FAM107B: variants seen among roughly 807,000 people sequenced by gnomAD.
FAM107B encodes protein FAM107B.
FAM107B carries 21 observed loss-of-function variants against 31.5 expected under a neutral mutation model. The observed-to-expected ratio is 0.67, with a 90% CI of 0.47 to 0.96. FAM107B has a LOEUF of 0.96. Ranked by LOEUF, FAM107B falls within the 40% of genes least tolerant of loss-of-function variation. The pLI, the probability that FAM107B is intolerant of heterozygous loss-of-function variation, is 0.00. For synonymous variants in FAM107B, 157 were observed against 141.5 expected (o/e 1.11, Z -0.78); for missense variants, 452 against 377.1 (o/e 1.20, Z -1.64).
chr10:14,539,030 G>A (rs898489795), intron 2 of FAM107B, among the ~76,000 whole-genome samples: 1 of 152,186 alleles, frequency 6.6e-6, no homozygotes, highest in Admixed American at 6.5e-5. Flanking sequence ...ACTTGCCCAC[G>A]TGGCAGATGC....
chr10:14,566,936 G>A (rs903598814), intron 2 of FAM107B, among the ~76,000 whole-genome samples: 1 of 152,318 alleles, frequency 6.6e-6, no homozygotes, highest in South Asian at 2.1e-4. Flanking sequence ...CAAAACACAA[G>A]GTCAGGAGAT....
intron 2 of FAM107B, among the ~76,000 whole-genome samples, chr10:14,603,125 T>C (rs1046235609): frequency 2.0e-5 from 3 of 152,068 alleles, no homozygotes; most frequent in Non-Finnish European, 2.9e-5. Context: ...TTTTTTTCTA[T>C]ATATTTTCAA....
At chr10:14,649,154 T>C (rs1853837658) in intron 2 of FAM107B, among the ~76,000 whole-genome samples, 1 of 152,238 alleles carries the variant, frequency 6.6e-6, no homozygotes, top group Non-Finnish European at 1.5e-5. Context: ...CCCTTTGGAA[T>C]TCAGGCACTG....
intron 1 of FAM107B, among the ~76,000 whole-genome samples, chr10:14,740,670 T>C (rs1856416064): frequency 1.3e-5 from 2 of 152,186 alleles, no homozygotes; most frequent in Admixed American, 6.5e-5. Flanking sequence ...ATGCAAGATG[T>C]TAAAAATAGG....
chr10:14,634,581 T>C (rs1228628833), intron 2 of FAM107B, among the ~76,000 whole-genome samples: 3 of 151,454 alleles, frequency 2.0e-5, no homozygotes, highest in Non-Finnish European at 4.4e-5. Context: ...AGAAAACAGC[T>C]GCCAGCTTAA....
chr10:14,680,408 T>C (rs1854803466), intron 1 of FAM107B, among the ~76,000 whole-genome samples: 1 of 151,872 alleles, frequency 6.6e-6, no homozygotes, highest in Admixed American at 6.6e-5. Context: ...ACCTCATCTC[T>C]ACTAAAAATA....
chr10:14,743,806 C>T (rs2131576067), intron 1 of FAM107B, among the ~76,000 whole-genome samples: 1 of 152,236 alleles, frequency 6.6e-6, no homozygotes, highest in East Asian at 1.9e-4. Context: ...CAGCTTTGTT[C>T]TTTTCACTTA....
chr10:14,765,465 G>A (rs1833143654), intron 1 of FAM107B, among the ~76,000 whole-genome samples: 1 of 152,120 alleles, frequency 6.6e-6, no homozygotes, highest in African/African-American at 2.4e-5. Context: ...TATCCAGATT[G>A]GAAAATTCTT....
At chr10:14,619,367 T>C (rs1244422676) in intron 2 of FAM107B, among the ~76,000 whole-genome samples, 1 of 152,208 alleles carries the variant, frequency 6.6e-6, no homozygotes, top group Admixed American at 6.5e-5. Flanking sequence ...ACACTAGCAG[T>C]GTTTTTCATT....
chr10:14,718,533 CAGAG>C (rs546456987), intron 1 of FAM107B, among the ~76,000 whole-genome samples: 3 of 146,996 alleles, frequency 2.0e-5, no homozygotes, highest in Non-Finnish European at 3.0e-5. Context: ...GAAGGAAGGA[CAGAG>C]AGAGAGAGAG....
chr10:14,606,454 C>T (rs2131385497), intron 2 of FAM107B, among the ~76,000 whole-genome samples: 1 of 152,254 alleles, frequency 6.6e-6, no homozygotes, highest in South Asian at 2.1e-4. Context: ...ATCTTTATAC[C>T]CTCTTGCCTA....
chr10:14,534,616 G>A (rs978594104), intron 2 of FAM107B, among the ~76,000 whole-genome samples: 2 of 152,048 alleles, frequency 1.3e-5, no homozygotes, highest in Admixed American at 6.6e-5. Context: ...TGCACCCTCC[G>A]AAGGCGTGCT....
chr10:14,754,847 C>T (rs1281561615), intron 1 of FAM107B, among the ~76,000 whole-genome samples: 2 of 152,202 alleles, frequency 1.3e-5, no homozygotes, highest in Admixed American at 6.5e-5. Context: ...TTCCTTATTG[C>T]AATCCATTAC....
chr10:14,750,366 C>G (rs1461785153), intron 1 of FAM107B, among the ~76,000 whole-genome samples: 2 of 152,192 alleles, frequency 1.3e-5, no homozygotes, highest in Non-Finnish European at 1.5e-5. Flanking sequence ...AATCCCAGCA[C>G]TTTGGGAGAG....
chr10:14,556,290 C>T lies in FAM107B; in HGVS notation c.470-25775G>A, dbSNP rs554669161. 3.3e-5 allele frequency: 31 copies of T among 949,126 alleles called. 1 individual carries two copies. Among genetic ancestry groups the T allele is most frequent in the African/African-American group, 1.2e-4 (7 of 56,604 alleles). 58.8% of individuals were successfully genotyped at this position (949,126 alleles called of 1,614,324 possible). On this transcript the variant is annotated intron_variant, in intron 2 of 4. Transcript: ENST00000181796. The stretch of plus-strand genomic sequence containing the variant: ...GACTGGAAGGCCAGTAATTTGATAT[C>T]GGAAATTTACAATTGATAAAGTCAT...
intron 1 of FAM107B, among the ~76,000 whole-genome samples, chr10:14,698,545 T>A (rs775996273): frequency 2.2e-4 from 33 of 152,356 alleles, no homozygotes; most frequent in Non-Finnish European, 4.4e-4. Flanking sequence ...TATTATCTCA[T>A]GTGAGCCATA....
At chr10:14,728,953 T>C (rs1256592455) in intron 1 of FAM107B, among the ~76,000 whole-genome samples, 1 of 152,180 alleles carries the variant, frequency 6.6e-6, no homozygotes, top group Admixed American at 6.5e-5. Flanking sequence ...GCACTTTATG[T>C]CAGTTGTTCA....
rs182123993 is a variant in FAM107B at position 14,609,603 on chromosome 10, T to C, written c.469+58031A>G. ...CCATCTAGGGCTCTAGACTCAGACT[T>C]AAAGTGCTCATGTGATTAGGTCAGG... On this transcript the variant is annotated intron_variant, in intron 2 of 4. Coordinates refer to ENST00000181796, the MANE Select transcript of FAM107B (RefSeq NM_031453.4). 3.3e-3 allele frequency among the ~76,000 whole-genome samples: 501 copies of C among 152,278 alleles called. 5 individuals are homozygous for C. Among genetic ancestry groups the C allele is most frequent in the Non-Finnish European group, 4.3e-3 (291 of 68,022 alleles).
intron 1 of FAM107B, among the ~76,000 whole-genome samples, chr10:14,750,827 G>A (rs904767088): frequency 6.6e-6 from 1 of 152,096 alleles, no homozygotes; most frequent in Non-Finnish European, 1.5e-5. Flanking sequence ...GCTTCTAGAC[G>A]GGAAGGGGGC....
Sources: gnomAD v4.1 joint callset for allele counts (sites outside exome capture counted in the v4.1 genomes callset) on GRCh38, gnomAD v4.1.1 for gene constraint, MANE v1.5 for transcripts, NCBI Gene and HGNC (gene_info 2026-07-23, HGNC 2026-07-21) for gene names.